The following NAV2 variants were observed in gnomAD, a reference collection of about 807,000 sequenced individuals.
NAV2 encodes helicase, APC down-regulated 1.
In NAV2, 54 loss-of-function variants were observed where a neutral mutation model predicts 223.2. The ratio of observed to expected loss-of-function variants is 0.24; its 90% CI spans 0.19 to 0.30. NAV2 has a LOEUF of 0.30. Ranked by LOEUF, NAV2 falls within the 10% of genes least tolerant of loss-of-function variation. The probability of loss-of-function intolerance (pLI) is 1.00; values close to 1 mark genes in which losing one functional copy is unlikely to be tolerated. For synonymous variants in NAV2, 1,279 were observed against 1,239.3 expected, an observed-to-expected ratio of 1.03 and a Z score of -0.67; for missense variants, 2,806 against 3,147.5, an observed-to-expected ratio of 0.89 and a Z score of 2.60.
chr11:19,908,828 A>G lies in NAV2; in HGVS notation c.931+16234A>G, dbSNP rs920963980. ...CTCCAGAGTAGGCAAATCGATAGAG[A>G]CAAAAAATAGATTTGTGGTTGCTAG... On this transcript the variant is annotated intron_variant, in intron 6 of 37. Coordinates refer to ENST00000349880, the MANE Select transcript of NAV2 (RefSeq NM_145117.5). Among the ~76,000 whole-genome samples the G allele has an allele frequency of 3.3e-5, 5 of 152,188 alleles. No homozygotes were observed. The East Asian group carries it at 5.8e-4, about 18-fold the overall frequency.
intron 1 of NAV2, among the ~76,000 whole-genome samples, chr11:19,725,840 G>T (rs750094003): frequency 6.6e-6 from 1 of 152,194 alleles, no homozygotes; most frequent in African/African-American, 2.4e-5. Flanking sequence ...CAAAGAACTG[G>T]AATTCAGTCA....
chr11:19,983,797 G>A (rs777244132), intron 10 of NAV2, among the ~76,000 whole-genome samples: 2 of 152,150 alleles, frequency 1.3e-5, no homozygotes, highest in Non-Finnish European at 2.9e-5. Flanking sequence ...TTGTATAATC[G>A]CTGACATTGA....
chr11:19,602,976 C>T (rs1044119015), intron 1 of NAV2, among the ~76,000 whole-genome samples: 4 of 152,160 alleles, frequency 2.6e-5, no homozygotes, highest in African/African-American at 2.4e-5. Flanking sequence ...GGAGGAAGGG[C>T]ATTCTAAGTT....
chr11:19,510,305 T>G (rs889662251), intron 1 of NAV2, among the ~76,000 whole-genome samples: 2 of 152,230 alleles, frequency 1.3e-5, no homozygotes, highest in Non-Finnish European at 2.9e-5. Flanking sequence ...TTATGTCTAT[T>G]TTAAACATGA....
chr11:19,874,045 C>T (rs1323863156), intron 4 of NAV2, among the ~76,000 whole-genome samples: 1 of 152,180 alleles, frequency 6.6e-6, no homozygotes, highest in East Asian at 1.9e-4. Context: ...GGCTTTGAAT[C>T]CCTTATACCC....
At chr11:19,978,697 C>G (rs1360624004) in intron 10 of NAV2, 1 of 142,068 alleles carries the variant, frequency 7.0e-6, no homozygotes. Flanking sequence ...TAGAAATGCA[C>G]TCGACTAGAG....
chr11:19,892,980 C>T (rs754428101), intron 6 of NAV2, among the ~76,000 whole-genome samples: 14 of 151,900 alleles, frequency 9.2e-5, no homozygotes, highest in Admixed American at 2.0e-4. Flanking sequence ...CTTTTTTATC[C>T]GTCAGAAATA....
intron 10 of NAV2, among the ~76,000 whole-genome samples, chr11:19,951,729 G>T (rs2047413037): frequency 6.6e-6 from 1 of 152,204 alleles, no homozygotes; most frequent in South Asian, 2.1e-4. Flanking sequence ...GAAACTCCTG[G>T]TTTCTTTAAC....
intron 1 of NAV2, among the ~76,000 whole-genome samples, chr11:19,458,297 C>T (rs749443420): frequency 4.6e-5 from 7 of 152,340 alleles, no homozygotes; most frequent in Non-Finnish European, 8.8e-5. Context: ...CCAGCTGTGG[C>T]TGCTCCCAGA....
intron 4 of NAV2, among the ~76,000 whole-genome samples, chr11:19,869,268 A>AT (rs1267941406): frequency 6.6e-6 from 1 of 152,216 alleles, no homozygotes; most frequent in East Asian, 1.9e-4. Flanking sequence ...TGCTTAAACA[A>AT]TGCTGATTTG....
rs963302387 is a variant in NAV2, at chr11:19,519,368, C to G, written c.75+168341C>G. On this transcript the variant is annotated intron_variant, in intron 1 of 37. Transcript: ENST00000360655. Reference sequence around the variant, plus strand: ...TATTGTGTGCTAGGGGCTGTCCTAACTCTTTATGCCTTATTTAATCTTCAC... The same window carrying G: ...TATTGTGTGCTAGGGGCTGTCCTAAGTCTTTATGCCTTATTTAATCTTCAC... Among the ~76,000 whole-genome samples the G allele has an allele frequency of 1.2e-4, 19 of 152,202 alleles. 1 individual carries two copies. Among genetic ancestry groups the G allele is most frequent in the African/African-American group, 4.6e-4 (19 of 41,440 alleles).
intron 1 of NAV2, among the ~76,000 whole-genome samples, chr11:19,390,280 G>A (rs575637615): frequency 4.6e-5 from 7 of 152,110 alleles, no homozygotes; most frequent in African/African-American, 1.7e-4. Context: ...GGATAGTCCT[G>A]GGCCCACAGT....
chr11:20,029,582 G>C (rs943620035), intron 11 of NAV2, among the ~76,000 whole-genome samples: 1 of 152,132 alleles, frequency 6.6e-6, no homozygotes, highest in Non-Finnish European at 1.5e-5. Flanking sequence ...ATGTCTACTG[G>C]ATCTATGGTC....
intron 1 of NAV2, among the ~76,000 whole-genome samples, chr11:19,367,337 T>C (rs1333665637): frequency 6.6e-6 from 1 of 152,144 alleles, no homozygotes; most frequent in Non-Finnish European, 1.5e-5. Flanking sequence ...TGAGCTGACT[T>C]CTACAGTGGC....
chr11:19,931,037 A>T (rs143366080), intron 6 of NAV2, among the ~76,000 whole-genome samples: 92 of 152,344 alleles, frequency 6.0e-4, no homozygotes, highest in Middle Eastern at 3.4e-3. Flanking sequence ...CAAATCCCAG[A>T]TATCTGCATT....
At chr11:19,954,831 G>A (rs1253256673) in intron 10 of NAV2, among the ~76,000 whole-genome samples, 1 of 151,702 alleles carries the variant, frequency 6.6e-6, no homozygotes, top group Non-Finnish European at 1.5e-5. Flanking sequence ...GTTTATTAGT[G>A]TTTGTATGTA....
chr11:19,814,987 A>C (rs577386427), intron 1 of NAV2, among the ~76,000 whole-genome samples: 1 of 151,380 alleles, frequency 6.6e-6, no homozygotes, highest in East Asian at 2.0e-4. Flanking sequence ...TTATCTGCTT[A>C]ATGCTTACTC....
chr11:19,724,881 A>C (rs1205914885), intron 1 of NAV2, among the ~76,000 whole-genome samples: 1 of 152,200 alleles, frequency 6.6e-6, no homozygotes, highest in Non-Finnish European at 1.5e-5. Flanking sequence ...TTTACGAGGA[A>C]TCTCACCTTC....
chr11:19,549,339 G>A (rs1056594229), intron 1 of NAV2, among the ~76,000 whole-genome samples: 4 of 152,184 alleles, frequency 2.6e-5, no homozygotes, highest in East Asian at 1.9e-4. Context: ...CTGCCTTCAC[G>A]AAGAGAGGTT....
Sources: gnomAD v4.1 joint callset for allele counts (sites outside exome capture counted in the v4.1 genomes callset) on GRCh38, gnomAD v4.1.1 for gene constraint, MANE v1.5 for transcripts, NCBI Gene and HGNC (gene_info 2026-07-23, HGNC 2026-07-21) for gene names.